GREB1: variants seen among roughly 807,000 people sequenced by gnomAD.
The protein encoded by GREB1 is protein GREB1.
In GREB1, 106 loss-of-function variants were observed where a neutral mutation model predicts 200.7. The observed-to-expected ratio is 0.53, with a 90% confidence interval of 0.45 to 0.62. The LOEUF (loss-of-function observed/expected upper bound fraction) is 0.62, where lower values mean the gene tolerates loss of function less well. Ranked by LOEUF, GREB1 falls within the 20% of genes least tolerant of loss-of-function variation. GREB1 has a pLI of 0.00. For synonymous variants in GREB1, 1,132 were observed against 1,092.4 expected, an observed-to-expected ratio of 1.04 and a Z score of -0.72; for missense variants, 2,243 against 2,556.8, an observed-to-expected ratio of 0.88 and a Z score of 2.65.
chr2:11,512,645 C>A (rs1175530597), intron 1 of GREB1, among the ~76,000 whole-genome samples: 1 of 152,182 alleles, frequency 6.6e-6, no homozygotes, highest in Non-Finnish European at 1.5e-5. Flanking sequence ...GTGCTCCACA[C>A]CCCACCAGCT....
At chr2:11,550,664 C>T (rs1189299585) in intron 1 of GREB1, among the ~76,000 whole-genome samples, 1 of 152,192 alleles carries the variant, frequency 6.6e-6, no homozygotes, top group Non-Finnish European at 1.5e-5. Context: ...AGGCCTCACC[C>T]AGTTCAGGAC....
intron 2 of GREB1, among the ~76,000 whole-genome samples, chr2:11,559,446 C>T (rs539978091): frequency 3.9e-5 from 6 of 152,326 alleles, no homozygotes; most frequent in East Asian, 1.9e-4. Context: ...TTGAGGCTTA[C>T]GACCCTTTTC....
intron 1 of GREB1, among the ~76,000 whole-genome samples, chr2:11,517,089 TG>T (rs1396899427): frequency 2.6e-5 from 4 of 152,194 alleles, no homozygotes; most frequent in Admixed American, 2.6e-4. Context: ...GTGTGAGCAG[TG>T]GCCCCAGGGT....
In GREB1 at chr2:11,538,798, T is replaced by G. The variant is rs1362961682; in HGVS notation, c.-162+4544T>G. On this transcript the variant is annotated intron_variant, in intron 1 of 32. Coordinates refer to ENST00000381486, the MANE Select transcript of GREB1 (RefSeq NM_014668.4). ...TTCCCGTCTTCCTTCCTTCCTTCCCTTCTTTACTTCCTTCCTTCCTCCCTC... is the reference window on the plus strand; with the variant it reads ...TTCCCGTCTTCCTTCCTTCCTTCCCGTCTTTACTTCCTTCCTTCCTCCCTC... Among the ~76,000 whole-genome samples, 59 of 36,094 alleles carry G rather than the reference T, an allele frequency of 1.6e-3. 4 individuals carry two copies. Among genetic ancestry groups the G allele is most frequent in the African/African-American group, 2.6e-3 (54 of 20,798 alleles). The allele number at this position is 36,094 out of a possible 152,430, so 23.7% of individuals were successfully genotyped here.
intron 1 of GREB1, among the ~76,000 whole-genome samples, chr2:11,536,205 G>T (rs1046119347): frequency 6.6e-6 from 1 of 152,160 alleles, no homozygotes; most frequent in Admixed American, 6.5e-5. Flanking sequence ...CTTGAACTGG[G>T]TCTTGAGGGA....
chr2:11,568,792 A>G (rs1677960674), intron 4 of GREB1, among the ~76,000 whole-genome samples: 1 of 152,234 alleles, frequency 6.6e-6, no homozygotes, highest in Non-Finnish European at 1.5e-5. Flanking sequence ...GAAGTGTAGG[A>G]GCTTTGTTAA....
intron 1 of GREB1, among the ~76,000 whole-genome samples, chr2:11,504,821 C>A (rs1673137503): frequency 1.3e-5 from 2 of 152,184 alleles, no homozygotes; most frequent in African/African-American, 2.4e-5. Context: ...GTTTTCATTC[C>A]TACACTATTC....
At chr2:11,538,018 C>A (rs1053037552) in intron 1 of GREB1, among the ~76,000 whole-genome samples, 7 of 152,058 alleles carry the variant, frequency 4.6e-5, no homozygotes, top group Non-Finnish European at 8.8e-5. Flanking sequence ...AGTTTCCCAC[C>A]GTCACACACG....
chr2:11,524,716 T>A (rs925253689), intron 1 of GREB1, among the ~76,000 whole-genome samples: 6 of 152,208 alleles, frequency 3.9e-5, no homozygotes, highest in Non-Finnish European at 8.8e-5. Context: ...ACTGGTTGCA[T>A]GGATGCTGGA....
At position 11,495,533 on chromosome 2, in the gene GREB1, T is replaced by C. The variant is rs150542216; in HGVS notation, c.-159+13152T>C. Among the ~76,000 whole-genome samples the C allele has an allele frequency of 1.9e-3, 286 of 152,166 alleles. 6 individuals carry two copies. The East Asian group carries it at 0.029, about 15-fold the overall frequency. Reference sequence around the variant, plus strand: ...AAAGGATGCATTAAAAAAAAATAAGTTGGGGTCATGCACTGTTCCAAGCAC... The same window carrying C: ...AAAGGATGCATTAAAAAAAAATAAGCTGGGGTCATGCACTGTTCCAAGCAC... On this transcript the variant is annotated intron_variant, in intron 1 of 2. Coordinates refer to the GREB1 transcript ENST00000628795.
chr2:11,526,623 T>C (rs1418305690), intron 1 of GREB1, among the ~76,000 whole-genome samples: 2 of 151,962 alleles, frequency 1.3e-5, no homozygotes, highest in Admixed American at 1.3e-4. Context: ...TGCCGCCATC[T>C]TGGCTCACTG....
At chr2:11,544,746 CT>C (rs1675102263) in intron 1 of GREB1, among the ~76,000 whole-genome samples, 1 of 145,662 alleles carries the variant, frequency 6.9e-6, no homozygotes, top group South Asian at 2.1e-4. Context: ...TCCTGCCCCC[CT>C]GTTTGCCTGC....
chr2:11,617,133 G>C (rs951058803), intron 21 of GREB1, among the ~76,000 whole-genome samples: 1 of 152,238 alleles, frequency 6.6e-6, no homozygotes, highest in Non-Finnish European at 1.5e-5. Flanking sequence ...TTCACTGGGG[G>C]AAGAGCAACA....
intron 1 of GREB1, among the ~76,000 whole-genome samples, chr2:11,538,052 G>A (rs1343648235): frequency 4.6e-5 from 7 of 152,122 alleles, no homozygotes; most frequent in South Asian, 2.1e-4. Context: ...CAGAAGGCAC[G>A]GGGCACTCCA....
At chr2:11,551,640 C>T (rs114364759) in intron 1 of GREB1, among the ~76,000 whole-genome samples, 19 of 152,268 alleles carry the variant, frequency 1.2e-4, no homozygotes, top group African/African-American at 4.6e-4. Context: ...AGTTTTCGTG[C>T]CTTTGCACTC....
In GREB1 at chr2:11,492,532, A is replaced by G. The variant is rs1357633266; in HGVS notation, c.-159+10151A>G. 6.6e-6 allele frequency among the ~76,000 whole-genome samples: 1 copy of G among 151,842 alleles called. No homozygotes were observed. Among genetic ancestry groups the G allele is most frequent in the African/African-American group, 2.4e-5 (1 of 41,322 alleles). ...CATTCTCTGCTGTGAGAAGTTTGGG[A>G]TGAGGGGTGGGTTTCTGTGAGACCC... On this transcript the variant is annotated intron_variant, in intron 1 of 2. Transcript: ENST00000628795. The surrounding 1 kb of genome is among the most constrained non-coding windows in gnomAD (Gnocchi z 4.0).
intron 1 of GREB1, among the ~76,000 whole-genome samples, chr2:11,497,715 A>G (rs771857811): frequency 6.6e-6 from 1 of 152,080 alleles, no homozygotes; most frequent in Non-Finnish European, 1.5e-5. Flanking sequence ...GTATTTTCCT[A>G]TTGAGTAATG....
intron 21 of GREB1, among the ~76,000 whole-genome samples, chr2:11,617,029 C>G (rs1484526563): frequency 6.6e-6 from 1 of 152,150 alleles, no homozygotes; most frequent in Admixed American, 6.5e-5. Flanking sequence ...AGGGGCGGGT[C>G]CCCGGGTGTT....
intron 1 of GREB1, among the ~76,000 whole-genome samples, chr2:11,549,872 C>G (rs993501718): frequency 6.6e-6 from 1 of 152,098 alleles, no homozygotes; most frequent in Non-Finnish European, 1.5e-5. Flanking sequence ...TCTCAAAAGC[C>G]TTGTGATGCT....
Sources: gnomAD v4.1 joint callset for allele counts (sites outside exome capture counted in the v4.1 genomes callset) on GRCh38, gnomAD v4.1.1 for gene constraint, Gnocchi (gnomAD v3.1) non-coding constraint, MANE v1.5 for transcripts, NCBI Gene and HGNC (gene_info 2026-07-23, HGNC 2026-07-21) for gene names.